IPCEF1: variants seen among roughly 807,000 people sequenced by gnomAD.
IPCEF1 encodes the protein interaction protein for cytohesin exchange factors 1.
Under a neutral mutation model 50.9 loss-of-function variants are expected in IPCEF1, and 31 were observed. That is an observed-to-expected ratio of 0.61 (90% CI 0.46 to 0.82). The LOEUF (loss-of-function observed/expected upper bound fraction) is 0.82. IPCEF1 is among the 40% of genes least tolerant of loss of function. IPCEF1 has a pLI of 0.00. For missense variants in IPCEF1, 458 were observed against 514.0 expected (o/e 0.89, Z 1.05); for synonymous variants, 181 against 192.0 (o/e 0.94, Z 0.47).
chr6:154,266,083 G>A, intron 2 of IPCEF1, 119 bp from the exon 3 acceptor site: 1 of 643,622 alleles, frequency 1.6e-6, no homozygotes, highest in Non-Finnish European at 2.7e-6. Context: ...TACAATAAAA[G>A]TAATTCATTA....
At chr6:154,267,500 G>A (rs1207849721) in intron 2 of IPCEF1, among the ~76,000 whole-genome samples, 4 of 152,132 alleles carry the variant, frequency 2.6e-5, no homozygotes, top group East Asian at 1.9e-4. Context: ...TTGGGTTGTC[G>A]CTCTTCTGGC....
At chr6:154,182,309 C>T (rs1273461062) in intron 10 of IPCEF1, among the ~76,000 whole-genome samples, 1 of 152,110 alleles carries the variant, frequency 6.6e-6, no homozygotes, top group Non-Finnish European at 1.5e-5. Context: ...GGCTCTTCTA[C>T]TGTATTATTG....
At chr6:154,209,823 G>GA (rs968176404) in intron 9 of IPCEF1, among the ~76,000 whole-genome samples, 3 of 151,832 alleles carry the variant, frequency 2.0e-5, no homozygotes, top group Middle Eastern at 3.4e-3. Context: ...TTCTAAGGGG[G>GA]AAAAAAAATC....
At chr6:154,183,664 C>T (rs1316043910) in intron 10 of IPCEF1, among the ~76,000 whole-genome samples, 3 of 151,934 alleles carry the variant, frequency 2.0e-5, no homozygotes, top group African/African-American at 4.8e-5. Context: ...TTTTTGAGGC[C>T]GAGGCAGGCA....
chr6:154,262,117 G>C (rs954780685), intron 3 of IPCEF1, among the ~76,000 whole-genome samples: 7 of 152,218 alleles, frequency 4.6e-5, no homozygotes, highest in Non-Finnish European at 7.3e-5. Context: ...ATGTTCAGCA[G>C]TGCCGCCCAG....
intron 2 of IPCEF1, among the ~76,000 whole-genome samples, chr6:154,270,857 T>C (rs1781885022): frequency 6.6e-6 from 1 of 152,074 alleles, no homozygotes; most frequent in African/African-American, 2.4e-5. Context: ...ACACTTGTGG[T>C]CCCAGCTACT....
At chr6:154,226,339 C>G (rs1261337733) in intron 5 of IPCEF1, among the ~76,000 whole-genome samples, 1 of 152,152 alleles carries the variant, frequency 6.6e-6, no homozygotes, top group Non-Finnish European at 1.5e-5. Flanking sequence ...TCCCATGGGC[C>G]CCGCAAGAGT....
chr6:154,158,757 T>A lies in IPCEF1; in HGVS notation c.*1071A>T, dbSNP rs182347120. ...AATATATACTAAGCACAATATATAA[T>A]AGTATATCATCTTTTAAACACTAGT... is the stretch of plus-strand genomic sequence containing the variant. On this transcript the variant is annotated 3_prime_UTR_variant, in exon 12 of 12. Coordinates refer to ENST00000367220, the MANE Select transcript of IPCEF1 (RefSeq NM_001130700.2). 2.0e-5 allele frequency: 3 copies of A among 152,286 alleles called. No individual in the cohort carries two copies. The East Asian group carries it at 5.8e-4, about 29-fold the overall frequency. 9.4% of individuals were successfully genotyped at this position (152,286 alleles called of 1,614,324 possible). A position where few individuals can be genotyped will look rare whatever the true frequency, so the allele number is the denominator to read the frequency against.
At chr6:154,291,777 T>G (rs993786916) in intron 1 of IPCEF1, among the ~76,000 whole-genome samples, 2 of 142,324 alleles carry the variant, frequency 1.4e-5, no homozygotes, top group African/African-American at 5.3e-5. Flanking sequence ...CTCCGCCTCC[T>G]GGGTTCACGC....
intron 10 of IPCEF1, among the ~76,000 whole-genome samples, chr6:154,180,051 T>C (rs1800699068): frequency 6.6e-6 from 1 of 152,152 alleles, no homozygotes; most frequent in Admixed American, 6.6e-5. Context: ...AGAAAGCAAC[T>C]AGAGTTACAA....
chr6:154,344,666 G>C (rs1268182085), intron 1 of IPCEF1, among the ~76,000 whole-genome samples: 1 of 152,072 alleles, frequency 6.6e-6, no homozygotes, highest in Non-Finnish European at 1.5e-5. Context: ...TGGCGCCAGG[G>C]GAGAGCTCTG....
chr6:154,255,151 C>T (rs1245643937), intron 3 of IPCEF1, among the ~76,000 whole-genome samples: 1 of 152,040 alleles, frequency 6.6e-6, no homozygotes, highest in Non-Finnish European at 1.5e-5. Context: ...TTTCTGGGAT[C>T]ATCTTTCTTT....
rs190430435 is a variant in IPCEF1 at position 154,254,018 on chromosome 6, C to T, written c.37-6530G>A. Among the ~76,000 whole-genome samples the T allele has an allele frequency of 2.2e-4, 33 of 152,008 alleles. No homozygotes were observed. The East Asian group carries it at 2.9e-3, about 13-fold the overall frequency. On this transcript the variant is annotated intron_variant, in intron 3 of 11. Transcript: ENST00000367220. Reference sequence around the variant, plus strand: ...ACTGGGAATTTTGCTTTACTTGTATCGCCTTGTTTTTCCATTCTAAATCAT... The same window carrying T: ...ACTGGGAATTTTGCTTTACTTGTATTGCCTTGTTTTTCCATTCTAAATCAT...
chr6:154,167,132 A>G (rs1162384026), intron 11 of IPCEF1, among the ~76,000 whole-genome samples: 1 of 152,214 alleles, frequency 6.6e-6, no homozygotes, highest in Non-Finnish European at 1.5e-5. Flanking sequence ...CCACAGACAA[A>G]ACAAAATTCA....
chr6:154,303,177 T>C (rs11963117), intron 1 of IPCEF1, among the ~76,000 whole-genome samples: 14,805 of 149,220 alleles, frequency 0.099, 1,315 homozygotes, highest in African/African-American at 0.23. Context: ...CTGCAACCTC[T>C]GCCTCCCAGA....
chr6:154,181,975 G>A (rs1199652092), intron 10 of IPCEF1, among the ~76,000 whole-genome samples: 2 of 152,176 alleles, frequency 1.3e-5, no homozygotes, highest in South Asian at 2.1e-4. Context: ...GTTGGGAAAG[G>A]TGAGGCGATT....
At chr6:154,312,958 A>T (rs953610318) in intron 1 of IPCEF1, among the ~76,000 whole-genome samples, 2 of 149,302 alleles carry the variant, frequency 1.3e-5, no homozygotes, top group Non-Finnish European at 1.5e-5. Flanking sequence ...AGTGGCTCAC[A>T]CCTAACACTT....
chr6:154,198,714 T>C (rs1028710779), intron 10 of IPCEF1, among the ~76,000 whole-genome samples: 1 of 151,518 alleles, frequency 6.6e-6, no homozygotes, highest in African/African-American at 2.4e-5. Context: ...ATACCAAAAA[T>C]TAAATTAGCA....
rs572755462 is a variant in IPCEF1 at position 154,341,787 on chromosome 6, G to A, written c.-62+14885C>T. ...GAACCTTTACAGATTGTGTGGATGT[G>A]TTTTATCATTACCATCATTCTGAGT... On this transcript the variant is annotated intron_variant, in intron 1 of 11. Coordinates refer to ENST00000367220, the MANE Select transcript of IPCEF1 (RefSeq NM_001130700.2). Among the ~76,000 whole-genome samples the A allele has an allele frequency of 3.9e-5, 6 of 152,256 alleles. No individual in the cohort carries two copies. The East Asian group carries it at 1.2e-3, about 29-fold the overall frequency.
Sources: allele counts gnomAD v4.1 joint callset (sites outside exome capture counted in the v4.1 genomes callset), GRCh38; gene constraint gnomAD v4.1.1; transcripts MANE v1.5; gene names NCBI Gene and HGNC (gene_info 2026-07-23, HGNC 2026-07-21).